Variants in OSBPL1A observed in about 807,000 individuals in gnomAD.
The protein encoded by OSBPL1A is oxysterol-binding protein-related protein 1.
In OSBPL1A, 80 loss-of-function variants were observed where a neutral mutation model predicts 137.1. That is an observed-to-expected ratio of 0.58 (90% CI 0.49 to 0.70). The LOEUF is 0.70. Among genes scored for constraint, OSBPL1A ranks in the 30% least tolerant of loss-of-function variants. The pLI is 0.00. For synonymous variants in OSBPL1A, 365 were observed against 389.7 expected (o/e 0.94, Z 0.75); for missense variants, 970 against 1,129.4 (o/e 0.86, Z 2.02).
intron 13 of OSBPL1A, among the ~76,000 whole-genome samples, chr18:24,306,902 G>A (rs888987747): frequency 6.6e-6 from 1 of 152,026 alleles, no homozygotes; most frequent in Non-Finnish European, 1.5e-5. Context: ...ATTACAAGCA[G>A]TGGTGCCGTA....
Position 24,271,804 on chromosome 18 carries a change from C to T in OSBPL1A, c.1281+9038G>A, listed in dbSNP as rs1894884525. 3.0e-6 allele frequency: 3 copies of T among 985,298 alleles called. No homozygotes were observed. In the African/African-American group the frequency reaches 5.2e-5, roughly 17 times the overall value. The allele number at this position is 985,298 out of a possible 1,614,324, so 61.0% of individuals were successfully genotyped here. A position where few individuals can be genotyped will look rare whatever the true frequency, so the allele number is the denominator to read the frequency against. The stretch of plus-strand genomic sequence containing the variant: ...CTAAGTCACCTTTGCGCAGCCTGCC[C>T]CTGGCTCCGGCCGGGCAGCAGCGCC... On this transcript the variant is annotated intron_variant, in intron 15 of 27. Coordinates refer to ENST00000319481, the MANE Select transcript of OSBPL1A (RefSeq NM_080597.4). The surrounding 1 kb of genome is among the most constrained non-coding windows in gnomAD (Gnocchi z 4.0).
intron 16 of OSBPL1A, among the ~76,000 whole-genome samples, chr18:24,236,398 T>G (rs2088477135): frequency 6.6e-6 from 1 of 152,152 alleles, no homozygotes; most frequent in African/African-American, 2.4e-5. Flanking sequence ...GGCTGGTGTG[T>G]AGAGACTACA....
intron 14 of OSBPL1A, among the ~76,000 whole-genome samples, chr18:24,292,750 T>G (rs1424627865): frequency 6.6e-6 from 1 of 150,718 alleles, no homozygotes; most frequent in African/African-American, 2.4e-5. Flanking sequence ...TGAGGGGAGG[T>G]GAACTTCACA....
At chr18:24,164,866 A>G (rs1285698526) in intron 27 of OSBPL1A, among the ~76,000 whole-genome samples, 199 bp downstream of exon 27, 2 of 152,338 alleles carry the variant, frequency 1.3e-5, no homozygotes, top group African/African-American at 4.8e-5. Flanking sequence ...TAACAAAGAT[A>G]CGGAATCAAC....
intron 14 of OSBPL1A, among the ~76,000 whole-genome samples, chr18:24,296,885 T>C (rs1185959362): frequency 3.3e-5 from 5 of 152,206 alleles, no homozygotes; most frequent in African/African-American, 1.2e-4. Context: ...TCTGATATGC[T>C]GTTGGATTCA....
chr18:24,281,414 G>C (rs143694328), intron 14 of OSBPL1A, among the ~76,000 whole-genome samples: 322 of 140,842 alleles, frequency 2.3e-3, no homozygotes, highest in African/African-American at 8.2e-3. Context: ...TTGAGACACA[G>C]TCTCACTCTG....
chr18:24,357,087 A>G (rs1029610169), intron 4 of OSBPL1A: 2 of 152,236 alleles, frequency 1.3e-5, no homozygotes, highest in African/African-American at 4.8e-5. Context: ...CCACTTTATC[A>G]ATAACATTGT....
intron 2 of OSBPL1A, among the ~76,000 whole-genome samples, chr18:24,377,159 A>G (rs1423475963): frequency 6.6e-6 from 1 of 152,216 alleles, no homozygotes. Context: ...AATAGGATGT[A>G]TCCTGTGGGC....
chr18:24,388,464 GTTTT>G (rs141018311), intron 1 of OSBPL1A, among the ~76,000 whole-genome samples: 1 of 149,496 alleles, frequency 6.7e-6, no homozygotes, highest in Non-Finnish European at 1.5e-5. Context: ...AAAATTAACA[GTTTT>G]TTTTTTCTAA....
intron 7 of OSBPL1A, among the ~76,000 whole-genome samples, chr18:24,330,604 C>A (rs951730141): frequency 1.3e-5 from 2 of 151,882 alleles, no homozygotes; most frequent in African/African-American, 4.8e-5. Context: ...CCTGCCTCAG[C>A]CTCCTGAGTA....
Position 24,318,817 on chromosome 18 carries a change from A to G in OSBPL1A, c.626-8T>C, listed in dbSNP as rs1342034912. On this transcript the variant is annotated splice_region_variant and splice_polypyrimidine_tract_variant and intron_variant, in intron 7 of 27. Coordinates refer to ENST00000319481, the MANE Select transcript of OSBPL1A (RefSeq NM_080597.4). ...GGTCAAGAGGTTTCTGATCTGTGCA[A>G]AATACAAAGAAAAAAAGCCATCAAC... is the stretch of plus-strand genomic sequence containing the variant. The G allele has an allele frequency of 6.2e-7, 1 of 1,610,666 alleles. No homozygotes were observed. Among genetic ancestry groups the G allele is most frequent in the South Asian group, 1.1e-5 (1 of 90,076 alleles).
Position 24,225,160 on chromosome 18 carries a change from C to T in OSBPL1A, c.1483G>A (p.Val495Met). Residue 495 changes from valine (V) to methionine (M), a missense_variant, in exon 17 of 28, where the codon GTG becomes ATG. This residue lies in a region of OSBPL1A where 647 missense variants were observed against 672.6 expected (regional missense o/e 0.96). Coordinates refer to ENST00000319481, the MANE Select transcript of OSBPL1A (RefSeq NM_080597.4). ...TCCTCTTCAAAGGAGCGTGCTGTCA[C>T]TGCTTCCAATCTACTCAGGGACCTT... ...SERSLSRLEA[V>M]TARSFEEEGE... 1 of 1,614,172 alleles carries T rather than the reference C, an allele frequency of 6.2e-7. No individual in the cohort carries two copies. Among genetic ancestry groups the T allele is most frequent in the East Asian group, 2.2e-5 (1 of 44,886 alleles).
chr18:24,177,949 G>T (rs1431784483), intron 21 of OSBPL1A, 64 bp downstream of exon 21: 3 of 1,461,058 alleles, frequency 2.1e-6, no homozygotes, highest in Non-Finnish European at 2.8e-6. Context: ...TCAGCTGAGT[G>T]TGCATGTCTA....
intron 15 of OSBPL1A, among the ~76,000 whole-genome samples, chr18:24,249,685 G>T (rs1339066021): frequency 6.6e-6 from 1 of 152,158 alleles, no homozygotes; most frequent in East Asian, 1.9e-4. Flanking sequence ...GGCTCACCCA[G>T]CACCCACACA....
chr18:24,377,674 C>G (rs1906291303), intron 1 of OSBPL1A, 139 bp from the exon 2 acceptor site: 22 of 886,100 alleles, frequency 2.5e-5, no homozygotes, highest in Non-Finnish European at 3.1e-5. Flanking sequence ...AAATCCGTTG[C>G]AGGGTGAGAA....
chr18:24,294,242 T>C (rs542889044), intron 14 of OSBPL1A, among the ~76,000 whole-genome samples: 21 of 150,926 alleles, frequency 1.4e-4, no homozygotes, highest in African/African-American at 5.1e-4. Context: ...GGTGGTGGTG[T>C]TGTTATTGAG....
chr18:24,381,814 A>T (rs2146209578), intron 1 of OSBPL1A, among the ~76,000 whole-genome samples: 1 of 151,866 alleles, frequency 6.6e-6, no homozygotes, highest in South Asian at 2.1e-4. Flanking sequence ...TACAAAAATT[A>T]GGCAGGCGTG....
At chr18:24,216,232 G>A (rs1462559425) in intron 17 of OSBPL1A, among the ~76,000 whole-genome samples, 6 of 152,216 alleles carry the variant, frequency 3.9e-5, no homozygotes, top group South Asian at 4.1e-4. Flanking sequence ...CTGGCCAAGC[G>A]CAGTGGCTCA....
intron 17 of OSBPL1A, among the ~76,000 whole-genome samples, chr18:24,199,431 C>T (rs1348789353): frequency 6.6e-6 from 1 of 152,018 alleles, no homozygotes; most frequent in Non-Finnish European, 1.5e-5. Context: ...TCATCTTCCC[C>T]CTCCACAGCA....
Sources: gnomAD v4.1 joint callset for allele counts (sites outside exome capture counted in the v4.1 genomes callset) on GRCh38, gnomAD v4.1.1 for gene constraint, gnomAD v4.1.1 regional missense constraint, Gnocchi (gnomAD v3.1) non-coding constraint, MANE v1.5 for transcripts, NCBI Gene and HGNC (gene_info 2026-07-23, HGNC 2026-07-21) for gene names.